The following MITF variants were observed in gnomAD, a reference collection of about 807,000 sequenced individuals.
MITF encodes the protein melanocyte inducing transcription factor.
In MITF, 17 loss-of-function variants were observed where a neutral mutation model predicts 60.5. The observed-to-expected ratio is 0.28, with a 90% CI of 0.19 to 0.42. The LOEUF is 0.42. Among genes scored for constraint, MITF ranks in the 10% least tolerant of loss-of-function variants. The pLI, the probability that MITF is intolerant of heterozygous loss-of-function variation, is 1.00. For synonymous variants in MITF, 260 were observed against 248.5 expected (o/e 1.05, Z -0.43); for missense variants, 622 against 683.5 (o/e 0.91, Z 1.00).
chr3:69,848,606 C>T (rs1046015865), intron 1 of MITF, among the ~76,000 whole-genome samples: 3 of 152,122 alleles, frequency 2.0e-5, no homozygotes, highest in Non-Finnish European at 2.9e-5. Context: ...TCTTTCTGCA[C>T]GGTAATATCA....
At chr3:69,775,898 A>G (rs1295699593) in intron 1 of MITF, among the ~76,000 whole-genome samples, 1 of 152,206 alleles carries the variant, frequency 6.6e-6, no homozygotes, top group Non-Finnish European at 1.5e-5. Flanking sequence ...ATATCAAAAG[A>G]TGGGCTTTTC....
At chr3:69,938,100 C>G (rs2065886654) in intron 3 of MITF, 51 bp downstream of exon 3, 1 of 1,561,034 alleles carries the variant, frequency 6.4e-7, no homozygotes, top group Non-Finnish European at 8.8e-7. Flanking sequence ...AATAACTTGT[C>G]TGTTGAATAT....
chr3:69,831,692 C>T (rs796841496), intron 1 of MITF, among the ~76,000 whole-genome samples: 10 of 152,222 alleles, frequency 6.6e-5, no homozygotes, highest in African/African-American at 2.4e-4. Flanking sequence ...AAGTAAAATT[C>T]CCCAGATTTG....
chr3:69,764,234 G>C (rs1010443123), intron 1 of MITF, among the ~76,000 whole-genome samples: 1 of 152,204 alleles, frequency 6.6e-6, no homozygotes, highest in Non-Finnish European at 1.5e-5. Context: ...TCACTGCAAA[G>C]TGCATTAATT....
At chr3:69,959,246 ATC>A (rs763091041) in intron 8 of MITF, 25 bp from the exon 9 acceptor site, 24 of 1,613,336 alleles carry the variant, frequency 1.5e-5, no homozygotes, top group Admixed American at 5.0e-5. Flanking sequence ...TCCTAAAAAT[ATC>A]TGTTTTCCTC....
chr3:69,924,613 C>G (rs2065544956), intron 2 of MITF, among the ~76,000 whole-genome samples: 1 of 152,224 alleles, frequency 6.6e-6, no homozygotes, highest in Non-Finnish European at 1.5e-5. Flanking sequence ...TCGGCTCATC[C>G]TGTTTCACGG....
At chr3:69,821,600 C>T (rs891074093) in intron 1 of MITF, among the ~76,000 whole-genome samples, 1 of 145,398 alleles carries the variant, frequency 6.9e-6, no homozygotes, top group African/African-American at 2.5e-5. Flanking sequence ...TCAAATTAGA[C>T]CTAGATTTAA....
intron 2 of MITF, among the ~76,000 whole-genome samples, chr3:69,928,817 G>A (rs1488771112): frequency 6.6e-6 from 1 of 152,156 alleles, no homozygotes; most frequent in African/African-American, 2.4e-5. Flanking sequence ...TGGGGACCTT[G>A]GAATAACTGT....
rs528850097 is a variant in MITF, at chr3:69,885,266, C to T, written c.354+5883C>T. ...ATCACTGAATTCATCCTGTGGGTTTCAAAGAGAAGAGACACCTGTTTGGCT... is the reference window on the plus strand; with the variant it reads ...ATCACTGAATTCATCCTGTGGGTTTTAAAGAGAAGAGACACCTGTTTGGCT... On this transcript the variant is annotated intron_variant, in intron 2 of 9. Coordinates refer to ENST00000352241, the MANE Select transcript of MITF (RefSeq NM_001354604.2). Among the ~76,000 whole-genome samples, 13 of 152,234 alleles carry T rather than the reference C, an allele frequency of 8.5e-5. No homozygotes were observed. The South Asian group carries it at 2.7e-3, about 32-fold the overall frequency.
At chr3:69,876,689 A>G (rs1158936392) in intron 1 of MITF, among the ~76,000 whole-genome samples, 1 of 152,210 alleles carries the variant, frequency 6.6e-6, no homozygotes, top group Non-Finnish European at 1.5e-5. Flanking sequence ...GTAGGAAAAC[A>G]TGAAGGAAAG....
In MITF at chr3:69,967,237, A is replaced by G. The variant is rs1002757912; in HGVS notation, c.*1989A>G. 3.4e-5 allele frequency: 8 copies of G among 232,064 alleles called. No individual in the cohort carries two copies. The highest frequency in any genetic ancestry group is 6.0e-5 in the Non-Finnish European group (7 of 117,184). The allele number at this position is 232,064 out of a possible 1,614,324, so 14.4% of individuals were successfully genotyped here. On this transcript the variant is annotated 3_prime_UTR_variant, in exon 10 of 10. Coordinates refer to ENST00000352241, the MANE Select transcript of MITF (RefSeq NM_001354604.2). ...GTGATGCTATCAGTTTTATAGCTTT[A>G]TTTCTTAAGGGGGTAGGGAAAATTA...
chr3:69,781,642 T>C (rs2062565995), intron 1 of MITF, among the ~76,000 whole-genome samples: 1 of 152,158 alleles, frequency 6.6e-6, no homozygotes, highest in Non-Finnish European at 1.5e-5. Context: ...CAAATTCTCA[T>C]TAGATTTTGA....
chr3:69,793,530 C>T (rs887457409), intron 1 of MITF, among the ~76,000 whole-genome samples: 1 of 152,142 alleles, frequency 6.6e-6, no homozygotes, highest in Non-Finnish European at 1.5e-5. Context: ...ATGCTCATAG[C>T]ATGCACCCTC....
intron 1 of MITF, among the ~76,000 whole-genome samples, chr3:69,754,139 A>G (rs1254507775): frequency 6.6e-6 from 1 of 151,936 alleles, no homozygotes; most frequent in Non-Finnish European, 1.5e-5. Context: ...TGAATGGTTT[A>G]GCAACACCCA....
intron 2 of MITF, among the ~76,000 whole-genome samples, chr3:69,919,209 C>T (rs1001913702): frequency 3.3e-5 from 5 of 152,148 alleles, no homozygotes; most frequent in African/African-American, 1.2e-4. Context: ...TTCAGTTTGG[C>T]GATTGAAACC....
chr3:69,854,695 A>G (rs923549265), intron 1 of MITF, among the ~76,000 whole-genome samples: 13 of 152,172 alleles, frequency 8.5e-5, no homozygotes, highest in African/African-American at 3.1e-4. Flanking sequence ...TGACCTTTGC[A>G]GCCAGATATT....
intron 2 of MITF, among the ~76,000 whole-genome samples, chr3:69,926,753 A>G (rs2065600411): frequency 6.6e-6 from 1 of 152,202 alleles, no homozygotes; most frequent in Non-Finnish European, 1.5e-5. Context: ...AACCATAAAA[A>G]TGTGTCAAAT....
chr3:69,866,753 G>A (rs1436844294), intron 1 of MITF, among the ~76,000 whole-genome samples: 5 of 151,758 alleles, frequency 3.3e-5, no homozygotes, highest in Admixed American at 3.3e-4. Flanking sequence ...CAGGAAAACT[G>A]TGTGTTTAAT....
chr3:69,882,682 A>C (rs978415455), intron 2 of MITF, among the ~76,000 whole-genome samples: 2 of 152,186 alleles, frequency 1.3e-5, no homozygotes, highest in Non-Finnish European at 2.9e-5. Flanking sequence ...TTTTCAAACA[A>C]AAACAGAGTA....
Sources: gnomAD v4.1 joint callset for allele counts (sites outside exome capture counted in the v4.1 genomes callset) on GRCh38, gnomAD v4.1.1 for gene constraint, MANE v1.5 for transcripts, NCBI Gene and HGNC (gene_info 2026-07-23, HGNC 2026-07-21) for gene names.